EHMT1: variants seen among roughly 807,000 people sequenced by gnomAD.
EHMT1 encodes the protein histone-lysine N-methyltransferase EHMT1.
A neutral mutation model predicts 147.2 loss-of-function variants in EHMT1; 15 were observed. The ratio of observed to expected loss-of-function variants is 0.10; its 90% CI spans 0.07 to 0.16. EHMT1 has a LOEUF of 0.16. EHMT1 is among the 10% of genes least tolerant of loss of function. The pLI is 1.00. For synonymous variants in EHMT1, 795 were observed against 709.6 expected (o/e 1.12, Z -1.91); for missense variants, 1,587 against 1,772.4 (o/e 0.90, Z 1.88).
At chr9:137,792,073 G>A in intron 16 of EHMT1, 1 of 469,294 alleles carries the variant, frequency 2.1e-6, no homozygotes, top group Non-Finnish European at 4.4e-6. Context: ...AACTTCTAAA[G>A]TTTATACGGA....
At chr9:137,673,926 G>T (rs1940957496) in intron 1 of EHMT1, among the ~76,000 whole-genome samples, 1 of 152,190 alleles carries the variant, frequency 6.6e-6, no homozygotes, top group Non-Finnish European at 1.5e-5. Context: ...CCCTCCTAGG[G>T]CTGTACTGTT....
chr9:137,701,764 A>G (rs1393776939), intron 1 of EHMT1, among the ~76,000 whole-genome samples: 2 of 144,816 alleles, frequency 1.4e-5, no homozygotes, highest in Non-Finnish European at 3.0e-5. Context: ...AATAGCTGGG[A>G]TTACAGGCAC....
At chr9:137,824,803 C>A (rs1005377613) in intron 25 of EHMT1, among the ~76,000 whole-genome samples, 1 of 152,086 alleles carries the variant, frequency 6.6e-6, no homozygotes, top group Non-Finnish European at 1.5e-5. Flanking sequence ...GGAAATAATG[C>A]GGAAATACTT....
chr9:137,656,249 G>A (rs1012620947), intron 1 of EHMT1, among the ~76,000 whole-genome samples: 11 of 152,056 alleles, frequency 7.2e-5, no homozygotes, highest in Admixed American at 2.0e-4. Context: ...GCATGGCAGC[G>A]TGCGCGTGTA....
chr9:137,658,954 T>G (rs1938776857), intron 1 of EHMT1, among the ~76,000 whole-genome samples: 1 of 152,112 alleles, frequency 6.6e-6, no homozygotes, highest in East Asian at 1.9e-4. Flanking sequence ...TCTTTTCTCT[T>G]GGGCTGGAGT....
intron 16 of EHMT1, among the ~76,000 whole-genome samples, chr9:137,793,586 A>C (rs1259078577): frequency 6.6e-6 from 1 of 152,280 alleles, no homozygotes; most frequent in Admixed American, 6.5e-5. Context: ...AGAGATCTTC[A>C]TACAACAGTG....
At position 137,741,431 on chromosome 9, in the gene EHMT1, T is replaced by C. The variant is rs569802089; in HGVS notation, c.824-1940T>C. 1.3e-4 allele frequency among the ~76,000 whole-genome samples: 19 copies of C among 151,302 alleles called. No homozygotes were observed. The East Asian group carries it at 3.7e-3, about 29-fold the overall frequency. On this transcript the variant is annotated intron_variant, in intron 4 of 26. Transcript: ENST00000460843. The stretch of plus-strand genomic sequence containing the variant: ...ACGTCAGCGCCTTTGTGGGCCACAC[T>C]GTTCCTGTCCCAGCTGGTCATGCTG...
chr9:137,704,877 C>T (rs540358449), intron 1 of EHMT1, among the ~76,000 whole-genome samples: 2 of 138,444 alleles, frequency 1.4e-5, no homozygotes, highest in African/African-American at 5.4e-5. Flanking sequence ...CCTCTCTTTC[C>T]CTCCCTCCCT....
chr9:137,680,014 C>T (rs533534845), intron 1 of EHMT1, among the ~76,000 whole-genome samples: 1 of 152,310 alleles, frequency 6.6e-6, no homozygotes, highest in African/African-American at 2.4e-5. Flanking sequence ...TGATTATTCT[C>T]CTTTCCTGCT....
intron 3 of EHMT1, among the ~76,000 whole-genome samples, chr9:137,722,143 G>A (rs1012111244): frequency 6.6e-6 from 1 of 152,036 alleles, no homozygotes; most frequent in Admixed American, 6.6e-5. Context: ...TACATCATTC[G>A]TCTCTCTGAA....
At chr9:137,788,081 C>G (rs981919910) in intron 15 of EHMT1, 3 of 1,354,990 alleles carry the variant, frequency 2.2e-6, no homozygotes, top group East Asian at 4.9e-5. Context: ...CCTCCACTCT[C>G]GTGGGGCCAG....
chr9:137,805,406 T>G (rs1255081362), intron 18 of EHMT1, among the ~76,000 whole-genome samples: 1 of 152,154 alleles, frequency 6.6e-6, no homozygotes, highest in Non-Finnish European at 1.5e-5. Context: ...CATGTCAGAG[T>G]CAGTTGTCCA....
chr9:137,725,725 G>A (rs1040466315), intron 3 of EHMT1, among the ~76,000 whole-genome samples: 3 of 152,168 alleles, frequency 2.0e-5, no homozygotes, highest in Non-Finnish European at 4.4e-5. Context: ...GAGGCAAGGA[G>A]GGAGGGAAAC....
intron 1 of EHMT1, among the ~76,000 whole-genome samples, chr9:137,692,480 G>C (rs1400652717): frequency 6.6e-6 from 1 of 151,812 alleles, no homozygotes; most frequent in Non-Finnish European, 1.5e-5. Context: ...GGCCAGGCCC[G>C]ATCTCGAACT....
intron 1 of EHMT1, among the ~76,000 whole-genome samples, chr9:137,654,237 G>A (rs1190555498): frequency 6.6e-6 from 1 of 152,088 alleles, no homozygotes; most frequent in African/African-American, 2.4e-5. Context: ...GGTGGTGGGT[G>A]CCTGTAGTCC....
chr9:137,711,742 A>G (rs1348206513), intron 2 of EHMT1, among the ~76,000 whole-genome samples: 2 of 151,812 alleles, frequency 1.3e-5, no homozygotes, highest in Admixed American at 6.6e-5. Context: ...GCCCCCAGGA[A>G]ATGAGGGCAG....
chr9:137,802,213 G>A (rs1422302763), intron 18 of EHMT1, among the ~76,000 whole-genome samples: 2 of 152,206 alleles, frequency 1.3e-5, no homozygotes, highest in Admixed American at 6.5e-5. Context: ...CAAGGGGCGA[G>A]GGGGTACTCT....
intron 7 of EHMT1, 82 bp downstream of exon 7, chr9:137,752,490 A>T: frequency 6.6e-7 from 1 of 1,513,340 alleles, no homozygotes; most frequent in Non-Finnish European, 9.0e-7. Flanking sequence ...TCTTTACCCA[A>T]CAACCCTTGT....
intron 4 of EHMT1, among the ~76,000 whole-genome samples, chr9:137,742,097 T>C (rs73574129): frequency 0.02 from 3,028 of 152,216 alleles, 111 homozygotes; most frequent in African/African-American, 0.069. Context: ...CTGACCCCCA[T>C]GAACATACTG....
Sources: gnomAD v4.1 joint callset for allele counts (sites outside exome capture counted in the v4.1 genomes callset) on GRCh38, gnomAD v4.1.1 for gene constraint, MANE v1.5 for transcripts, NCBI Gene and HGNC (gene_info 2026-07-23, HGNC 2026-07-21) for gene names.